The following LPCAT3 variants were observed in gnomAD, a reference collection of about 807,000 sequenced individuals.
LPCAT3 encodes the protein lysophosphatidylcholine acyltransferase 3.
LPCAT3 carries 21 observed loss-of-function variants against 63.4 expected under a neutral mutation model. The ratio of observed to expected loss-of-function variants is 0.33; its 90% CI spans 0.23 to 0.48. The LOEUF is 0.48. LPCAT3 is among the 20% of genes least tolerant of loss of function. The pLI is 0.99. For synonymous variants in LPCAT3, 242 were observed against 227.5 expected (o/e 1.06, Z -0.58); for missense variants, 451 against 590.6 (o/e 0.76, Z 2.45).
Position 6,977,653 on chromosome 12 carries a change from G to A in LPCAT3, c.1133C>T (p.Ser378Leu). 6.2e-7 allele frequency: 1 copy of A among 1,614,222 alleles called. No homozygotes were observed. Among genetic ancestry groups the A allele is most frequent in the Non-Finnish European group, 8.5e-7 (1 of 1,180,038 alleles). ...CATCTGGAAGCAGACCAGGTATCCTGAGTGCAGGCCGTGCCAGAGGGCCAG... is the reference window on the plus strand; with the variant it reads ...CATCTGGAAGCAGACCAGGTATCCTAAGTGCAGGCCGTGCCAGAGGGCCAG... ...LFLALWHGLHSGYLVCFQMEF... is the reference protein window; with the variant it reads ...LFLALWHGLHLGYLVCFQMEF... The change falls in exon 10 of 13, where the codon TCA becomes TTA. Residue 378 changes from serine to leucine, a missense_variant. By Grantham distance (145) the Ser-to-Leu change is moderately radical. Around this residue, in one of 3 missense-constraint regions of LPCAT3, gnomAD observed 304 missense variants for 390.8 expected, o/e 0.78. Coordinates refer to ENST00000261407, the MANE Select transcript of LPCAT3 (RefSeq NM_005768.6). The surrounding 1 kb of genome is among the most constrained non-coding windows in gnomAD (Gnocchi z 4.5).
intron 1 of LPCAT3, among the ~76,000 whole-genome samples, chr12:7,000,479 T>G (rs1413186863): frequency 1.4e-5 from 2 of 142,432 alleles, no homozygotes; most frequent in Non-Finnish European, 3.0e-5. Flanking sequence ...TCCCAGCTAC[T>G]CGGGAGGCTG....
intron 1 of LPCAT3, among the ~76,000 whole-genome samples, chr12:7,007,207 C>G (rs782292547): frequency 1.3e-5 from 2 of 151,884 alleles, no homozygotes; most frequent in East Asian, 3.9e-4. Flanking sequence ...CCATGCCCGG[C>G]TAATTTTTTG....
chr12:6,988,796 T>C (rs1946555701), intron 1 of LPCAT3, among the ~76,000 whole-genome samples: 1 of 152,192 alleles, frequency 6.6e-6, no homozygotes, highest in Non-Finnish European at 1.5e-5. Flanking sequence ...CTTACCTTTA[T>C]TAGCACCAGA....
intron 1 of LPCAT3, among the ~76,000 whole-genome samples, chr12:7,003,826 G>C (rs990710076): frequency 6.6e-6 from 1 of 151,488 alleles, no homozygotes; most frequent in Non-Finnish European, 1.5e-5. Flanking sequence ...GGAGGCTGAG[G>C]CAGGAGAATG....
chr12:6,995,121 CTT>C (rs34836555), intron 1 of LPCAT3, among the ~76,000 whole-genome samples: 572 of 144,772 alleles, frequency 4.0e-3, no homozygotes, highest in Admixed American at 4.5e-3. Flanking sequence ...CTTCTCTGGG[CTT>C]TTTTTTTTTT....
chr12:7,003,899 G>A (rs1364235963), intron 1 of LPCAT3, among the ~76,000 whole-genome samples: 11 of 147,874 alleles, frequency 7.4e-5, no homozygotes, highest in African/African-American at 2.3e-4. Flanking sequence ...TCCGCAGTCC[G>A]GCCTGGGCGA....
Position 6,977,352 on chromosome 12 carries a change from C to T in LPCAT3, c.1347+15G>A, listed in dbSNP as rs1946416745. 6.2e-7 allele frequency: 1 copy of T among 1,614,062 alleles called. No individual in the cohort carries two copies. Among genetic ancestry groups the T allele is most frequent in the Non-Finnish European group, 8.5e-7 (1 of 1,179,916 alleles). ...AGTGAGTCCCTCCCAGTCTCACAAGCAGGCCTTCACTTGCCTTAAGCCATT... is the reference window on the plus strand; with the variant it reads ...AGTGAGTCCCTCCCAGTCTCACAAGTAGGCCTTCACTTGCCTTAAGCCATT... On this transcript the variant is annotated intron_variant, in intron 11 of 12. Transcript: ENST00000261407. This position sits in a 1 kb window ranked among gnomAD's most constrained non-coding sequence, Gnocchi z 4.5.
chr12:7,010,757 T>C (rs187672364), intron 1 of LPCAT3, among the ~76,000 whole-genome samples: 3 of 152,328 alleles, frequency 2.0e-5, no homozygotes, highest in Admixed American at 6.5e-5. Flanking sequence ...TGTTTAACGA[T>C]AAAGTTATAC....
intron 1 of LPCAT3, among the ~76,000 whole-genome samples, chr12:7,003,825 G>A (rs1946706957): frequency 6.6e-6 from 1 of 151,624 alleles, no homozygotes; most frequent in Non-Finnish European, 1.5e-5. Flanking sequence ...GGGAGGCTGA[G>A]GCAGGAGAAT....
chr12:6,993,387 T>C (rs1419622890), intron 1 of LPCAT3, among the ~76,000 whole-genome samples: 1 of 151,510 alleles, frequency 6.6e-6, no homozygotes, highest in Non-Finnish European at 1.5e-5. Context: ...TGAGCTGAGA[T>C]TGCGCCACTG....
At chr12:6,995,685 C>T (rs1946630561) in intron 1 of LPCAT3, among the ~76,000 whole-genome samples, 1 of 152,018 alleles carries the variant, frequency 6.6e-6, no homozygotes, top group Non-Finnish European at 1.5e-5. Context: ...TCTGCCTGCA[C>T]CACGTCTTCC....
In LPCAT3 at chr12:6,981,972, T is replaced by C. The variant is rs1555154166; in HGVS notation, c.367-68A>G. The C allele has an allele frequency of 3.5e-6, 3 of 848,794 alleles. No homozygotes were observed. In the African/African-American group the frequency reaches 5.0e-5, roughly 14 times the overall value. 52.6% of individuals were successfully genotyped at this position (848,794 alleles called of 1,614,324 possible). A position where few individuals can be genotyped will look rare whatever the true frequency, so the allele number is the denominator to read the frequency against. On this transcript the variant is annotated intron_variant, in intron 3 of 12. Coordinates refer to ENST00000261407, the MANE Select transcript of LPCAT3 (RefSeq NM_005768.6). Reference sequence around the variant, plus strand: ...CTTCTCCTTGCTCTGAAATTCAATGTTCTCTTTCCTTTTTCCTTTCTCCTC... The same window carrying C: ...CTTCTCCTTGCTCTGAAATTCAATGCTCTCTTTCCTTTTTCCTTTCTCCTC...
chr12:7,014,789 G>A (rs1029865994), intron 1 of LPCAT3, among the ~76,000 whole-genome samples: 1 of 151,480 alleles, frequency 6.6e-6, no homozygotes, highest in Non-Finnish European at 1.5e-5. Context: ...AGCTACTCAG[G>A]AGGCTGAGGA....
intron 3 of LPCAT3, among the ~76,000 whole-genome samples, chr12:6,982,228 G>A (rs1410948763): frequency 6.6e-6 from 1 of 152,042 alleles, no homozygotes; most frequent in Non-Finnish European, 1.5e-5. Context: ...TTGTAGAGAT[G>A]GGGTTTCACC....
intron 1 of LPCAT3, among the ~76,000 whole-genome samples, chr12:7,003,826 G>A (rs990710076): frequency 1.3e-5 from 2 of 151,488 alleles, no homozygotes; most frequent in East Asian, 3.9e-4. Context: ...GGAGGCTGAG[G>A]CAGGAGAATG....
In LPCAT3 at chr12:7,000,576, A is replaced by G. The variant is rs1470930158; in HGVS notation, c.152-17037T>C. 2.4e-3 allele frequency among the ~76,000 whole-genome samples: 306 copies of G among 126,248 alleles called. 1 individual carries two copies. The highest frequency in any genetic ancestry group is 3.7e-3 in the Non-Finnish European group (225 of 60,544). The allele number at this position is 126,248 out of a possible 152,430, so 82.8% of individuals were successfully genotyped here. On this transcript the variant is annotated intron_variant, in intron 1 of 12. Transcript: ENST00000261407. ...GCACTCCAGCCTGGGAGACAGAGTG[A>G]GACTCAGTCTCAAAAAAAAAAAAAA... is the stretch of plus-strand genomic sequence containing the variant.
chr12:7,009,702 T>C (rs76278212), intron 1 of LPCAT3, among the ~76,000 whole-genome samples: 3,021 of 152,336 alleles, frequency 0.02, 102 homozygotes, highest in African/African-American at 0.068. Flanking sequence ...AGTGTTTACA[T>C]AGTTTATCTT....
In LPCAT3 at chr12:6,981,186, T is replaced by C; in HGVS notation, c.499-4A>G. On this transcript the variant is annotated splice_polypyrimidine_tract_variant and splice_region_variant and intron_variant, in intron 5 of 12. Transcript: ENST00000261407. ...GTTGCTCAGAGGACAAGGAATTCTA[T>C]GCCAAGAAGAGAATGCATGGTTCAG... is the stretch of plus-strand genomic sequence containing the variant. 6.2e-7 allele frequency: 1 copy of C among 1,602,958 alleles called. No homozygotes were observed. The highest frequency in any genetic ancestry group is 8.5e-7 in the Non-Finnish European group (1 of 1,175,008).
intron 1 of LPCAT3, among the ~76,000 whole-genome samples, chr12:7,013,782 C>A (rs1051342037): frequency 1.3e-5 from 2 of 152,214 alleles, no homozygotes; most frequent in Admixed American, 1.3e-4. Flanking sequence ...TCCTTAGTTT[C>A]CCTACTACTT....
Sources: gnomAD v4.1 joint callset for allele counts (sites outside exome capture counted in the v4.1 genomes callset) on GRCh38, gnomAD v4.1.1 for gene constraint, gnomAD v4.1.1 regional missense constraint, Gnocchi (gnomAD v3.1) non-coding constraint, MANE v1.5 for transcripts, NCBI Gene and HGNC (gene_info 2026-07-23, HGNC 2026-07-21) for gene names.